Variants in PRLR observed in about 807,000 individuals in gnomAD.
PRLR encodes the protein prolactin receptor, also known as hPRL receptor.
In PRLR, 13 loss-of-function variants were observed where a neutral mutation model predicts 40.2. The ratio of observed to expected loss-of-function variants is 0.32; its 90% CI spans 0.21 to 0.51. PRLR has a LOEUF of 0.51. PRLR is among the 20% of genes least tolerant of loss of function. The pLI is 0.97. For synonymous variants in PRLR, 269 were observed against 278.7 expected, an observed-to-expected ratio of 0.97 and a Z score of 0.35; for missense variants, 656 against 747.3, an observed-to-expected ratio of 0.88 and a Z score of 1.42.
chr5:35,164,913 GAGAGTA>G (rs1321136845), intron 1 of PRLR, among the ~76,000 whole-genome samples: 1 of 152,178 alleles, frequency 6.6e-6, no homozygotes. Flanking sequence ...AAGATTGAAA[GAGAGTA>G]ATCAAAGATG....
intron 1 of PRLR, among the ~76,000 whole-genome samples, chr5:35,157,094 T>A (rs1455260894): frequency 4.0e-5 from 6 of 151,844 alleles, no homozygotes; most frequent in Admixed American, 2.6e-4. Flanking sequence ...GGAAAAAGAG[T>A]GTAGTCACAA....
rs753203342 is a variant in PRLR, at chr5:35,065,962, T to C, written c.996A>G (p.Glu332=). The C allele has an allele frequency of 2.5e-6, 4 of 1,614,020 alleles. No individual in the cohort carries two copies. Among genetic ancestry groups the C allele is most frequent in the Non-Finnish European group, 3.4e-6 (4 of 1,180,032 alleles). ...TGGGTTTCATACCTTGACTTGGGTG[T>C]TCTTTTGAATGGACTGACATTAGAT... ...DQHLMSVHSK[E]HPSQGMKPTY... Residue 332 remains glutamate (E), a synonymous_variant, in exon 10 of 10, where the codon GAA becomes GAG. Transcript: ENST00000618457.
chr5:35,092,503 AC>A (rs942676983), intron 2 of PRLR, among the ~76,000 whole-genome samples: 36 of 152,042 alleles, frequency 2.4e-4, no homozygotes, highest in African/African-American at 8.7e-4. Flanking sequence ...TTATCCACCG[AC>A]CTTTTTTTTT....
chr5:35,052,231 A>G (rs1768519122), downstream of PRLR, among the ~76,000 whole-genome samples: 1 of 152,198 alleles, frequency 6.6e-6, no homozygotes, highest in African/African-American at 2.4e-5. Flanking sequence ...TTGCAAAAAT[A>G]CTTCATGTAT....
rs962505846 is a variant in PRLR at position 35,089,136 on chromosome 5, A to C, written c.70+415T>G. 3.3e-5 allele frequency among the ~76,000 whole-genome samples: 5 copies of C among 152,256 alleles called. No individual in the cohort carries two copies. In the East Asian group the frequency reaches 7.7e-4, roughly 24 times the overall value. ...ATGTAACAGCAACCTCTTATATCCC[A>C]TTATGGTTTTTTAAAGAGTTTTCAT... On this transcript the variant is annotated intron_variant, in intron 3 of 9. Coordinates refer to ENST00000618457, the MANE Select transcript of PRLR (RefSeq NM_000949.7).
intron 1 of PRLR, among the ~76,000 whole-genome samples, chr5:35,221,380 G>T (rs1031267158): frequency 3.3e-5 from 5 of 152,178 alleles, no homozygotes; most frequent in Admixed American, 2.0e-4. Context: ...ATTGCACACA[G>T]AAAATTTTAG....
At chr5:35,127,969 A>C (rs1429044690) in intron 1 of PRLR, among the ~76,000 whole-genome samples, 1 of 152,152 alleles carries the variant, frequency 6.6e-6, no homozygotes, top group Non-Finnish European at 1.5e-5. Context: ...TCTCCAACTT[A>C]CTATAGTTCC....
At chr5:35,077,733 T>C (rs534212986) in intron 5 of PRLR, among the ~76,000 whole-genome samples, 8 of 152,218 alleles carry the variant, frequency 5.3e-5, no homozygotes, top group South Asian at 2.1e-4. Flanking sequence ...CTCTCCACCC[T>C]AAATCAACAG....
intron 2 of PRLR, among the ~76,000 whole-genome samples, chr5:35,097,233 T>C (rs1473169620): frequency 6.6e-6 from 1 of 152,200 alleles, no homozygotes; most frequent in Non-Finnish European, 1.5e-5. Context: ...AGCAAACCCT[T>C]GTATAGAATA....
At chr5:35,074,344 T>A (rs1579581835) in intron 5 of PRLR, among the ~76,000 whole-genome samples, 1 of 151,602 alleles carries the variant, frequency 6.6e-6, no homozygotes, top group Admixed American at 6.6e-5. Flanking sequence ...CACCTGTAGT[T>A]CCAGCTACTT....
In PRLR at chr5:35,059,510, C is replaced by T. The variant is rs1167349997; in HGVS notation, c.*5579G>A. 1 of 152,050 alleles carries T rather than the reference C, an allele frequency of 6.6e-6. No homozygotes were observed. Among genetic ancestry groups the T allele is most frequent in the Non-Finnish European group, 1.5e-5 (1 of 68,014 alleles). The allele number at this position is 152,050 out of a possible 1,614,324, so 9.4% of individuals were successfully genotyped here. A position where few individuals can be genotyped will look rare whatever the true frequency, so the allele number is the denominator to read the frequency against. ...AGAACACTGAACAGATTTAGATTTA[C>T]CATAGCCAATAAAATTTGGATTTAG... On this transcript the variant is annotated 3_prime_UTR_variant, in exon 10 of 10. Coordinates refer to ENST00000618457, the MANE Select transcript of PRLR (RefSeq NM_000949.7).
chr5:35,065,001 C>T lies in PRLR; in HGVS notation c.*88G>A. ...AGCTGGGAGCTTTAGTAGTGTCAGT[C>T]TGACTACATTCTTGAGCATTTCACG... On this transcript the variant is annotated 3_prime_UTR_variant, in exon 10 of 10. Coordinates refer to ENST00000618457, the MANE Select transcript of PRLR (RefSeq NM_000949.7). 7.0e-7 allele frequency: 1 copy of T among 1,430,632 alleles called. No homozygotes were observed. Among genetic ancestry groups the T allele is most frequent in the Non-Finnish European group, 9.5e-7 (1 of 1,057,418 alleles). The allele number at this position is 1,430,632 out of a possible 1,614,324, so 88.6% of individuals were successfully genotyped here. A position where few individuals can be genotyped will look rare whatever the true frequency, so the allele number is the denominator to read the frequency against.
intron 1 of PRLR, among the ~76,000 whole-genome samples, chr5:35,161,650 T>A (rs776876216): frequency 5.3e-5 from 8 of 152,230 alleles, no homozygotes; most frequent in African/African-American, 1.9e-4. Flanking sequence ...TAAAAGGAGA[T>A]GCATTAATCT....
At chr5:35,133,497 T>C (rs1394057948) in intron 1 of PRLR, among the ~76,000 whole-genome samples, 1 of 152,174 alleles carries the variant, frequency 6.6e-6, no homozygotes, top group Non-Finnish European at 1.5e-5. Flanking sequence ...CCATAGACTT[T>C]CTTAGCAGCC....
chr5:35,189,027 G>A (rs1286648325), intron 1 of PRLR, among the ~76,000 whole-genome samples: 1 of 152,052 alleles, frequency 6.6e-6, no homozygotes, highest in Non-Finnish European at 1.5e-5. Flanking sequence ...AGATTATGAG[G>A]GTGAGCCCTA....
chr5:35,148,860 A>C (rs1774260797), intron 1 of PRLR, among the ~76,000 whole-genome samples: 1 of 152,162 alleles, frequency 6.6e-6, no homozygotes, highest in South Asian at 2.1e-4. Flanking sequence ...TTAAGTATAA[A>C]AAAGAAACAA....
chr5:35,216,471 G>A (rs1219081812), intron 1 of PRLR, among the ~76,000 whole-genome samples: 3 of 152,182 alleles, frequency 2.0e-5, no homozygotes, highest in Non-Finnish European at 4.4e-5. Context: ...AATTCTTCCT[G>A]AAACACAGTA....
intron 1 of PRLR, among the ~76,000 whole-genome samples, chr5:35,169,074 C>T (rs1255541154): frequency 6.6e-6 from 1 of 152,080 alleles, no homozygotes; most frequent in Non-Finnish European, 1.5e-5. Flanking sequence ...CCCGCAGTAG[C>T]ATTGCAGCTA....
chr5:35,101,619 A>C (rs1771881584), intron 2 of PRLR, among the ~76,000 whole-genome samples: 1 of 152,050 alleles, frequency 6.6e-6, no homozygotes, highest in African/African-American at 2.4e-5. Flanking sequence ...AAATGCACAC[A>C]ATTAAAACAT....
Sources: gnomAD v4.1 joint callset for allele counts (sites outside exome capture counted in the v4.1 genomes callset) on GRCh38, gnomAD v4.1.1 for gene constraint, MANE v1.5 for transcripts, NCBI Gene and HGNC (gene_info 2026-07-23, HGNC 2026-07-21) for gene names.